The following CCSER1 variants were observed in gnomAD, a reference collection of about 807,000 sequenced individuals.
CCSER1 encodes coiled-coil serine rich protein 1.
Under a neutral mutation model 82.0 loss-of-function variants are expected in CCSER1, and 41 were observed. The observed-to-expected ratio is 0.50, with a 90% CI of 0.39 to 0.65. The LOEUF (loss-of-function observed/expected upper bound fraction) is 0.65. Ranked by LOEUF, CCSER1 falls within the 30% of genes least tolerant of loss-of-function variation. The pLI is 0.00. For missense variants in CCSER1, 1,119 were observed against 1,064.2 expected (o/e 1.05, Z -0.72); for synonymous variants, 414 against 383.9 (o/e 1.08, Z -0.92).
intron 3 of CCSER1, among the ~76,000 whole-genome samples, chr4:90,397,682 G>A (rs1020708365): frequency 1.3e-5 from 2 of 152,122 alleles, no homozygotes; most frequent in African/African-American, 4.8e-5. Flanking sequence ...TGGTCACCAA[G>A]TTTGGTTAAG....
chr4:90,314,859 TTTTTTGA>T (rs1735903341), intron 3 of CCSER1, among the ~76,000 whole-genome samples: 1 of 130,356 alleles, frequency 7.7e-6, no homozygotes, highest in Non-Finnish European at 1.7e-5. Context: ...TTTTTTTTTT[TTTTTTGA>T]GACAGAGTCT....
intron 1 of CCSER1, among the ~76,000 whole-genome samples, chr4:90,236,056 C>T (rs1353040553): frequency 6.6e-6 from 1 of 152,096 alleles, no homozygotes; most frequent in Non-Finnish European, 1.5e-5. Flanking sequence ...ATCCTCCCAC[C>T]TTAGTGCCCC....
intron 4 of CCSER1, among the ~76,000 whole-genome samples, chr4:90,459,819 A>G (rs969182796): frequency 1.3e-5 from 2 of 152,200 alleles, no homozygotes; most frequent in African/African-American, 4.8e-5. Context: ...TTTGACATTC[A>G]AGAACACCAT....
At chr4:90,532,689 A>G (rs1456183006) in intron 5 of CCSER1, among the ~76,000 whole-genome samples, 1 of 152,158 alleles carries the variant, frequency 6.6e-6, no homozygotes, top group African/African-American at 2.4e-5. Flanking sequence ...TTTATATCAA[A>G]ATAATTTTGT....
At chr4:91,106,244 T>C (rs779243472) in intron 10 of CCSER1, among the ~76,000 whole-genome samples, 1 of 152,202 alleles carries the variant, frequency 6.6e-6, no homozygotes, top group Non-Finnish European at 1.5e-5. Flanking sequence ...ACTTTAGAAA[T>C]AGTCACGATT....
intron 8 of CCSER1, among the ~76,000 whole-genome samples, chr4:90,853,134 A>T (rs1174431793): frequency 6.6e-6 from 1 of 152,166 alleles, no homozygotes; most frequent in Admixed American, 6.6e-5. Context: ...AAAGATGTAG[A>T]GTCCTTCTTC....
chr4:91,189,226 C>T (rs1239776572), intron 10 of CCSER1, among the ~76,000 whole-genome samples: 2 of 152,144 alleles, frequency 1.3e-5, no homozygotes, highest in East Asian at 1.9e-4. Flanking sequence ...AATTTGTCTT[C>T]ATCATCAAAA....
intron 1 of CCSER1, among the ~76,000 whole-genome samples, chr4:90,135,981 T>G (rs1723630536): frequency 6.6e-6 from 1 of 152,222 alleles, no homozygotes; most frequent in Non-Finnish European, 1.5e-5. Context: ...ATGCACAATG[T>G]GCATATGAAT....
intron 10 of CCSER1, among the ~76,000 whole-genome samples, chr4:91,234,592 CTA>C (rs1409583032): frequency 3.9e-5 from 6 of 152,084 alleles, no homozygotes; most frequent in African/African-American, 1.4e-4. Context: ...GGATATGAGA[CTA>C]TACAGTTTTG....
intron 1 of CCSER1, among the ~76,000 whole-genome samples, chr4:90,138,006 A>G (rs1244959642): frequency 6.6e-6 from 1 of 152,216 alleles, no homozygotes; most frequent in Non-Finnish European, 1.5e-5. Flanking sequence ...CATTGAAAGT[A>G]TCATAATTCA....
chr4:90,821,924 T>G (rs1018547589), intron 8 of CCSER1, among the ~76,000 whole-genome samples: 2 of 152,070 alleles, frequency 1.3e-5, no homozygotes, highest in Admixed American at 6.5e-5. Context: ...AAGTGTAGTC[T>G]TGTGTTTTGG....
chr4:91,285,249 T>G (rs1467633233), intron 10 of CCSER1, among the ~76,000 whole-genome samples: 68 of 89,494 alleles, frequency 7.6e-4, no homozygotes, highest in Non-Finnish European at 1.3e-3. Flanking sequence ...TTCAATGGGT[T>G]TTTTTTTTTT....
intron 5 of CCSER1, among the ~76,000 whole-genome samples, chr4:90,494,689 T>C (rs945812688): frequency 4.6e-5 from 7 of 152,182 alleles, no homozygotes; most frequent in African/African-American, 9.7e-5. Context: ...TCTGGTATAG[T>C]TGGTGCTCAG....
At chr4:91,157,588 A>G (rs1359162317) in intron 10 of CCSER1, among the ~76,000 whole-genome samples, 1 of 152,016 alleles carries the variant, frequency 6.6e-6, no homozygotes, top group Non-Finnish European at 1.5e-5. Context: ...TGATTCAACA[A>G]GTGATAGTAT....
chr4:91,475,757 A>G lies in CCSER1; in HGVS notation c.2218-122815A>G, dbSNP rs185671906. ...CCAGACACTATAACTTATTCATTCC[A>G]TCTGAATTTTTATACCTATTAACTA... is the stretch of plus-strand genomic sequence containing the variant. On this transcript the variant is annotated intron_variant, in intron 10 of 10. Transcript: ENST00000509176. Among the ~76,000 whole-genome samples the G allele has an allele frequency of 2.6e-5, 4 of 151,846 alleles. No individual in the cohort carries two copies. The East Asian group carries it at 5.8e-4, about 22-fold the overall frequency.
At chr4:91,306,531 T>C (rs896481510) in intron 10 of CCSER1, among the ~76,000 whole-genome samples, 2 of 152,064 alleles carry the variant, frequency 1.3e-5, no homozygotes, top group African/African-American at 2.4e-5. Flanking sequence ...ATACCAATAG[T>C]AAAAGTGTCA....
At chr4:90,739,220 A>C (rs1746140479) in intron 7 of CCSER1, among the ~76,000 whole-genome samples, 1 of 152,156 alleles carries the variant, frequency 6.6e-6, no homozygotes, top group Non-Finnish European at 1.5e-5. Flanking sequence ...CCTTTAGGGC[A>C]GTGGGTTCCC....
intron 6 of CCSER1, among the ~76,000 whole-genome samples, chr4:90,648,650 G>A (rs1728168912): frequency 6.6e-6 from 1 of 152,152 alleles, no homozygotes; most frequent in Non-Finnish European, 1.5e-5. Flanking sequence ...TGAGGACAGA[G>A]AGAGAATGCA....
chr4:91,073,956 A>C (rs1290050227), intron 9 of CCSER1, among the ~76,000 whole-genome samples: 1 of 152,164 alleles, frequency 6.6e-6, no homozygotes, highest in Non-Finnish European at 1.5e-5. Flanking sequence ...CTTAAACAAT[A>C]TCCTTATCAT....
Sources: gnomAD v4.1 joint callset for allele counts (sites outside exome capture counted in the v4.1 genomes callset) on GRCh38, gnomAD v4.1.1 for gene constraint, MANE v1.5 for transcripts, NCBI Gene and HGNC (gene_info 2026-07-23, HGNC 2026-07-21) for gene names.